The following CNTNAP2 variants were observed in gnomAD, a reference collection of about 807,000 sequenced individuals.
The protein encoded by CNTNAP2 is contactin associated protein 2.
A neutral mutation model predicts 155.2 loss-of-function variants in CNTNAP2; 98 were observed. That is an observed-to-expected ratio of 0.63 (90% CI 0.54 to 0.75). The LOEUF is 0.75. Among genes scored for constraint, CNTNAP2 ranks in the 30% least tolerant of loss-of-function variants. The probability of loss-of-function intolerance (pLI) is 0.00; values close to 1 mark genes in which losing one functional copy is unlikely to be tolerated. For missense variants in CNTNAP2, 1,727 were observed against 1,688.1 expected (o/e 1.02, Z -0.40); for synonymous variants, 651 against 631.2 (o/e 1.03, Z -0.47).
chr7:147,419,970 C>A (rs1177206748), intron 10 of CNTNAP2, among the ~76,000 whole-genome samples: 1 of 152,110 alleles, frequency 6.6e-6, no homozygotes, highest in Non-Finnish European at 1.5e-5. Context: ...CTTCCCGACC[C>A]AGACATCTTA....
intron 13 of CNTNAP2, among the ~76,000 whole-genome samples, chr7:147,658,853 A>T (rs897593106): frequency 6.6e-6 from 1 of 152,152 alleles, no homozygotes; most frequent in Non-Finnish European, 1.5e-5. Flanking sequence ...ATCAGGCTAC[A>T]GTGGGGTCTT....
chr7:146,814,289 G>A (rs534042751), intron 2 of CNTNAP2, among the ~76,000 whole-genome samples: 2 of 152,228 alleles, frequency 1.3e-5, no homozygotes, highest in South Asian at 2.1e-4. Context: ...CCCTTTGGAA[G>A]TATGACTAGA....
At chr7:146,947,809 G>A (rs528299919) in intron 3 of CNTNAP2, among the ~76,000 whole-genome samples, 1 of 151,572 alleles carries the variant, frequency 6.6e-6, no homozygotes, top group Non-Finnish European at 1.5e-5. Context: ...AGGAGACTGA[G>A]GTGGGAGGAT....
chr7:147,479,723 A>G (rs1798388472), intron 10 of CNTNAP2, among the ~76,000 whole-genome samples: 1 of 145,388 alleles, frequency 6.9e-6, no homozygotes, highest in South Asian at 2.2e-4. Context: ...ATGTAGACCA[A>G]ATATGCTTGC....
chr7:147,600,186 TC>T (rs1452672939), intron 12 of CNTNAP2, among the ~76,000 whole-genome samples: 4 of 152,228 alleles, frequency 2.6e-5, no homozygotes, highest in African/African-American at 9.6e-5. Flanking sequence ...CATAACTTGA[TC>T]ACTCCTATGG....
chr7:148,013,710 C>A (rs1038669623), intron 15 of CNTNAP2, among the ~76,000 whole-genome samples: 3 of 152,200 alleles, frequency 2.0e-5, no homozygotes, highest in Non-Finnish European at 4.4e-5. Flanking sequence ...GACTTACACA[C>A]CCTGCAACAA....
At chr7:146,352,748 C>CT (rs1201897985) in intron 1 of CNTNAP2, among the ~76,000 whole-genome samples, 14 of 66,156 alleles carry the variant, frequency 2.1e-4, no homozygotes, top group Admixed American at 9.3e-4. Flanking sequence ...TAGCATAATT[C>CT]TGTTTTTTTT....
intron 9 of CNTNAP2, among the ~76,000 whole-genome samples, chr7:147,337,807 C>G (rs781317011): frequency 4.6e-5 from 7 of 152,112 alleles, no homozygotes; most frequent in African/African-American, 7.2e-5. Flanking sequence ...TGCAGGGTGG[C>G]TCCAATTAGT....
intron 19 of CNTNAP2, among the ~76,000 whole-genome samples, chr7:148,223,029 G>A (rs1394314961): frequency 6.6e-6 from 1 of 152,112 alleles, no homozygotes; most frequent in East Asian, 1.9e-4. Flanking sequence ...CCAGGTCCAC[G>A]GATTCAATCT....
At chr7:146,177,379 AAAC>A (rs1321135370) in intron 1 of CNTNAP2, among the ~76,000 whole-genome samples, 12 of 152,352 alleles carry the variant, frequency 7.9e-5, no homozygotes, top group African/African-American at 2.2e-4. Flanking sequence ...TGAAGAAAAA[AAAC>A]AACAACAGAC....
intron 15 of CNTNAP2, among the ~76,000 whole-genome samples, chr7:148,069,087 T>A (rs1177662258): frequency 6.6e-6 from 1 of 152,222 alleles, no homozygotes; most frequent in East Asian, 1.9e-4. Flanking sequence ...TGTTTGTGTC[T>A]GTCTCTCAGA....
At chr7:146,334,440 A>AAAAG (rs1801240587) in intron 1 of CNTNAP2, among the ~76,000 whole-genome samples, 1 of 150,834 alleles carries the variant, frequency 6.6e-6, no homozygotes, top group African/African-American at 2.5e-5. Context: ...CAAAAAAAAA[A>AAAAG]AAAAAAAGCA....
At chr7:147,003,955 A>G (rs1798475990) in intron 3 of CNTNAP2, among the ~76,000 whole-genome samples, 1 of 152,054 alleles carries the variant, frequency 6.6e-6, no homozygotes, top group African/African-American at 2.4e-5. Context: ...TTCCTTAAGC[A>G]CAGGAATTAA....
intron 9 of CNTNAP2, among the ~76,000 whole-genome samples, chr7:147,386,738 G>C (rs1197464747): frequency 6.6e-6 from 1 of 152,124 alleles, no homozygotes; most frequent in Non-Finnish European, 1.5e-5. Flanking sequence ...CCTCCAAACT[G>C]TTCCAACCTC....
chr7:146,677,924 T>A (rs1028373195), intron 1 of CNTNAP2, among the ~76,000 whole-genome samples: 17 of 152,182 alleles, frequency 1.1e-4, no homozygotes, highest in African/African-American at 3.6e-4. Flanking sequence ...ATGACTGATG[T>A]CCCACGCTCA....
intron 13 of CNTNAP2, among the ~76,000 whole-genome samples, chr7:147,876,364 G>A (rs74983024): frequency 0.039 from 6,002 of 152,136 alleles, 381 homozygotes; most frequent in African/African-American, 0.14. Flanking sequence ...CATTTCAAAA[G>A]CAGAGGAGAA....
rs117914715 is a variant in CNTNAP2, at chr7:148,372,269, C to T, written c.3476-11380C>T. Among the ~76,000 whole-genome samples, 1,228 of 152,108 alleles carry T rather than the reference C, an allele frequency of 8.1e-3. 13 individuals are homozygous for T. The highest frequency in any genetic ancestry group is 0.02 in the Middle Eastern group (6 of 294). On this transcript the variant is annotated intron_variant, in intron 21 of 23. Coordinates refer to ENST00000361727, the MANE Select transcript of CNTNAP2 (RefSeq NM_014141.6). ...TATAGGACACCTAACAGGAATGAAG[C>T]TTGGCAGGACTGGAAGTTGCTCTGG...
At chr7:146,902,389 A>G (rs933342532) in intron 3 of CNTNAP2, among the ~76,000 whole-genome samples, 1 of 152,224 alleles carries the variant, frequency 6.6e-6, no homozygotes, top group African/African-American at 2.4e-5. Context: ...ACAGTAACGT[A>G]CATTTCTTCT....
intron 8 of CNTNAP2, among the ~76,000 whole-genome samples, chr7:147,143,193 C>G (rs1375373652): frequency 6.6e-6 from 1 of 152,034 alleles, no homozygotes; most frequent in African/African-American, 2.4e-5. Flanking sequence ...TTCTCTCTGC[C>G]TCCTGCCTCT....
Sources: gnomAD v4.1 joint callset for allele counts (sites outside exome capture counted in the v4.1 genomes callset) on GRCh38, gnomAD v4.1.1 for gene constraint, MANE v1.5 for transcripts, NCBI Gene and HGNC (gene_info 2026-07-23, HGNC 2026-07-21) for gene names.